Variants in ESR1 observed in about 807,000 individuals in gnomAD.
ESR1 encodes estrogen receptor.
ESR1 carries 12 observed loss-of-function variants against 52.7 expected under a neutral mutation model. That is an observed-to-expected ratio of 0.23 (90% CI 0.15 to 0.37). ESR1 has a LOEUF of 0.37. Among genes scored for constraint, ESR1 ranks in the 10% least tolerant of loss-of-function variants. The pLI, the probability that ESR1 is intolerant of heterozygous loss-of-function variation, is 1.00. For missense variants in ESR1, 584 were observed against 779.7 expected (o/e 0.75, Z 2.99); for synonymous variants, 305 against 316.8 (o/e 0.96, Z 0.39).
At chr6:152,116,314 A>G (rs973186313) in intron 6 of ESR1, among the ~76,000 whole-genome samples, 2 of 152,240 alleles carry the variant, frequency 1.3e-5, no homozygotes, top group Non-Finnish European at 2.9e-5. Context: ...GATTCCTAAC[A>G]AACCCTGGAA....
At chr6:151,997,299 A>G (rs1009102304) in intron 4 of ESR1, among the ~76,000 whole-genome samples, 3 of 152,094 alleles carry the variant, frequency 2.0e-5, no homozygotes, top group Non-Finnish European at 4.4e-5. Context: ...CTAATCAACT[A>G]CTAAATAAGT....
intron 3 of ESR1, among the ~76,000 whole-genome samples, chr6:151,899,198 A>G (rs1250474159): frequency 0.019 from 1,358 of 73,068 alleles, no homozygotes; most frequent in Middle Eastern, 0.044. Flanking sequence ...CAGTAGGGGC[A>G]GCTGGGCAGA....
At chr6:151,782,022 C>T (rs752703770) in intron 2 of ESR1, among the ~76,000 whole-genome samples, 2 of 152,140 alleles carry the variant, frequency 1.3e-5, no homozygotes, top group Non-Finnish European at 2.9e-5. Context: ...TTAACTGTAA[C>T]GTGGTGGAGA....
At position 152,099,204 on chromosome 6, in the gene ESR1, C is replaced by T. The variant is rs2152507840; in HGVS notation, c.*238C>T. The T allele has an allele frequency of 1.8e-6, 1 of 567,490 alleles. No homozygotes were observed. Among genetic ancestry groups the T allele is most frequent in the East Asian group, 3.0e-5 (1 of 33,082 alleles). 35.2% of individuals were successfully genotyped at this position (567,490 alleles called of 1,614,324 possible). ...AATCTTTGTAACAGCTCTCTTTCCC[C>T]CTTGCTATGTTACTAAGCGTGAGGA... On this transcript the variant is annotated 3_prime_UTR_variant, in exon 8 of 8. Transcript: ENST00000206249.
intron 2 of ESR1, among the ~76,000 whole-genome samples, chr6:151,776,950 G>A (rs1392275119): frequency 6.6e-6 from 1 of 151,958 alleles, no homozygotes; most frequent in Non-Finnish European, 1.5e-5. Context: ...GGATGGGCTA[G>A]CAGGCGGACA....
rs919801762 is a variant in ESR1 at position 151,829,102 on chromosome 6, A to G, written c.453-13495A>G. On this transcript the variant is annotated intron_variant, in intron 1 of 7. Coordinates refer to ENST00000206249, the MANE Select transcript of ESR1 (RefSeq NM_000125.4). Reference sequence around the variant, plus strand: ...GCCACTGTTGAAGTTGTTCTGTGGAAAAAGAACCTCTCTTAATTTTACATG... The same window carrying G: ...GCCACTGTTGAAGTTGTTCTGTGGAGAAAGAACCTCTCTTAATTTTACATG... Among the ~76,000 whole-genome samples the G allele has an allele frequency of 3.3e-5, 5 of 152,366 alleles. No homozygotes were observed. In the South Asian group the frequency reaches 1.0e-3, roughly 32 times the overall value.
chr6:151,657,675 G>A (rs1777502442), intron 1 of ESR1, among the ~76,000 whole-genome samples: 2 of 152,030 alleles, frequency 1.3e-5, no homozygotes, highest in South Asian at 4.1e-4. Flanking sequence ...AATCTATCTT[G>A]AATCTGAAAA....
rs182455257 is a variant in ESR1, at chr6:151,682,261, A to T, written n.74-19614A>T. 2.5e-3 allele frequency among the ~76,000 whole-genome samples: 381 copies of T among 152,302 alleles called. 1 individual carries two copies. Among genetic ancestry groups the T allele is most frequent in the Non-Finnish European group, 3.8e-3 (261 of 68,022 alleles). On this transcript the variant is annotated intron_variant and non_coding_transcript_variant, in intron 1 of 2. Coordinates refer to the ESR1 transcript ENST00000473497. ...ATGAGAAAAATAAATGGCACCATTG[A>T]ATTGCACGGTAGAGGCTGATGCTAT...
At chr6:151,820,860 A>C (rs1488557342) in intron 1 of ESR1, among the ~76,000 whole-genome samples, 2 of 152,192 alleles carry the variant, frequency 1.3e-5, no homozygotes, top group Admixed American at 1.3e-4. Flanking sequence ...AAATTCTACA[A>C]AGACTTGCTG....
chr6:152,009,639 A>C (rs1014556369), intron 4 of ESR1, among the ~76,000 whole-genome samples: 2 of 152,148 alleles, frequency 1.3e-5, no homozygotes, highest in African/African-American at 4.8e-5. Context: ...GAGAATGTAA[A>C]CATTACAACT....
intron 2 of ESR1, among the ~76,000 whole-genome samples, chr6:151,726,547 A>G (rs1236969133): frequency 6.6e-6 from 1 of 152,148 alleles, no homozygotes; most frequent in East Asian, 1.9e-4. Flanking sequence ...CGTATTAGCC[A>G]GGATGGTCTT....
intron 2 of ESR1, among the ~76,000 whole-genome samples, chr6:151,727,760 C>A (rs117104636): frequency 0.028 from 4,274 of 152,104 alleles, 97 homozygotes; most frequent in Non-Finnish European, 0.047. Context: ...TTGCTGTTCT[C>A]GTGATAGTGA....
intron 2 of ESR1, among the ~76,000 whole-genome samples, chr6:151,794,618 A>G (rs536254920): frequency 4.6e-5 from 7 of 152,314 alleles, no homozygotes; most frequent in South Asian, 2.1e-4. Context: ...GGACTATACA[A>G]TGTCTCAGTG....
chr6:151,733,027 G>A (rs1314133848), intron 2 of ESR1, among the ~76,000 whole-genome samples: 2 of 152,142 alleles, frequency 1.3e-5, no homozygotes, highest in Non-Finnish European at 2.9e-5. Context: ...CTATGAACCT[G>A]TGAAAAGCCC....
At chr6:152,035,038 G>T (rs1642698109) in intron 5 of ESR1, among the ~76,000 whole-genome samples, 1 of 152,190 alleles carries the variant, frequency 6.6e-6, no homozygotes, top group Non-Finnish European at 1.5e-5. Context: ...GAGATAGAAA[G>T]CCTGTGAGAT....
At chr6:152,014,832 G>C (rs778537206) in intron 5 of ESR1, among the ~76,000 whole-genome samples, 2 of 152,094 alleles carry the variant, frequency 1.3e-5, no homozygotes, top group Non-Finnish European at 2.9e-5. Context: ...AGGCACAGCT[G>C]TGATCATGAT....
At chr6:151,998,676 T>A (rs922619982) in intron 4 of ESR1, among the ~76,000 whole-genome samples, 4 of 152,140 alleles carry the variant, frequency 2.6e-5, no homozygotes, top group African/African-American at 7.2e-5. Flanking sequence ...ATAGAGACTA[T>A]ATCACTATAT....
intron 2 of ESR1, among the ~76,000 whole-genome samples, chr6:151,794,897 A>C (rs767271433): frequency 6.6e-6 from 1 of 152,178 alleles, no homozygotes; most frequent in Admixed American, 6.5e-5. Flanking sequence ...GCACGCCTTC[A>C]ACAACAGCTC....
At position 152,111,907 on chromosome 6, in the gene ESR1, T is replaced by G. The variant is rs1177213630; in HGVS notation, c.851-13359T>G. Among the ~76,000 whole-genome samples the G allele has an allele frequency of 2.6e-5, 4 of 152,202 alleles. 1 individual carries two copies. The highest frequency in any genetic ancestry group is 9.6e-5 in the African/African-American group (4 of 41,454). On this transcript the variant is annotated intron_variant, in intron 6 of 6. Transcript: ENST00000427531. ...TGCCAGATGGTTCCCTAAGAACGGA[T>G]TACAAACTAGAGTAAACACTCCATC...
Sources: allele counts gnomAD v4.1 joint callset (sites outside exome capture counted in the v4.1 genomes callset), GRCh38; gene constraint gnomAD v4.1.1; transcripts MANE v1.5; gene names NCBI Gene and HGNC (gene_info 2026-07-23, HGNC 2026-07-21).